The following UNC13C variants were observed in gnomAD, a reference collection of about 807,000 sequenced individuals.
The protein encoded by UNC13C is unc-13 homolog C.
UNC13C carries 174 observed loss-of-function variants against 245.4 expected under a neutral mutation model. That is an observed-to-expected ratio of 0.71 (90% confidence interval 0.63 to 0.80). The LOEUF (loss-of-function observed/expected upper bound fraction) is 0.80. Ranked by LOEUF, UNC13C falls within the 30% of genes least tolerant of loss-of-function variation. The pLI, the probability that UNC13C is intolerant of heterozygous loss-of-function variation, is 0.00. For synonymous variants in UNC13C, 992 were observed against 895.1 expected (o/e 1.11, Z -1.93); for missense variants, 2,829 against 2,602.9 (o/e 1.09, Z -1.89).
intron 8 of UNC13C, among the ~76,000 whole-genome samples, chr15:54,259,215 T>A (rs1162726698): frequency 6.6e-6 from 1 of 152,254 alleles, no homozygotes; most frequent in African/African-American, 2.4e-5. Context: ...TTCAATGGGA[T>A]GCAAACATTC....
intron 2 of UNC13C, chr15:54,048,905 A>G (rs1897155334): frequency 7.7e-6 from 2 of 260,328 alleles, no homozygotes; most frequent in South Asian, 4.8e-5. Flanking sequence ...CATAAACCAT[A>G]TTGGAATAAT....
chr15:53,934,763 T>A, the UNC13C span, among the ~76,000 whole-genome samples: 2 of 152,202 alleles, frequency 1.3e-5, no homozygotes, highest in South Asian at 4.1e-4. Context: ...TGATGAGGGT[T>A]CTGTTCCTTG....
At chr15:53,869,118 A>G in the UNC13C span, among the ~76,000 whole-genome samples, 1 of 152,184 alleles carries the variant, frequency 6.6e-6, no homozygotes, top group Non-Finnish European at 1.5e-5. Context: ...AAAAAGTCAT[A>G]AATACAGAAA....
chr15:54,552,432 AT>A (rs1436169353), intron 28 of UNC13C, among the ~76,000 whole-genome samples: 2 of 3,356 alleles, frequency 6.0e-4, no homozygotes, highest in Non-Finnish European at 8.2e-4. Context: ...ATATAATATA[AT>A]TATATATTAC....
intron 26 of UNC13C, among the ~76,000 whole-genome samples, chr15:54,543,611 A>G (rs959862656): frequency 3.3e-5 from 5 of 152,158 alleles, no homozygotes; most frequent in African/African-American, 4.8e-5. Flanking sequence ...GATAAAGGTG[A>G]TATCACCACT....
intron 4 of UNC13C, among the ~76,000 whole-genome samples, chr15:54,163,046 G>T (rs1323865924): frequency 6.6e-6 from 1 of 152,152 alleles, no homozygotes; most frequent in African/African-American, 2.4e-5. Flanking sequence ...CTGCAAAGAT[G>T]TCCGCATCCT....
chr15:54,367,566 A>G (rs560644618), intron 17 of UNC13C, among the ~76,000 whole-genome samples: 1 of 152,298 alleles, frequency 6.6e-6, no homozygotes, highest in Non-Finnish European at 1.5e-5. Flanking sequence ...ACTTTCCACA[A>G]GGTATCTGCT....
chr15:54,557,649 A>G (rs1389581050), intron 29 of UNC13C, among the ~76,000 whole-genome samples: 1 of 151,940 alleles, frequency 6.6e-6, no homozygotes, highest in Admixed American at 6.6e-5. Flanking sequence ...CCAAAGGAGC[A>G]GACGCTACCC....
chr15:54,106,935 C>A (rs918881842), intron 2 of UNC13C, among the ~76,000 whole-genome samples: 1 of 152,228 alleles, frequency 6.6e-6, no homozygotes, highest in Non-Finnish European at 1.5e-5. Flanking sequence ...CACTCTTGCT[C>A]TTATATGTTC....
At chr15:54,343,689 A>G (rs1291085573) in intron 17 of UNC13C, among the ~76,000 whole-genome samples, 2 of 152,202 alleles carry the variant, frequency 1.3e-5, no homozygotes, top group African/African-American at 4.8e-5. Flanking sequence ...CATTACACCC[A>G]TTAAAGAATG....
intron 30 of UNC13C, among the ~76,000 whole-genome samples, chr15:54,604,492 T>C (rs562092078): frequency 2.4e-4 from 37 of 152,194 alleles, no homozygotes; most frequent in Non-Finnish European, 4.6e-4. Context: ...GTTGCAGTTT[T>C]GGGGGATCAC....
At chr15:53,840,188 C>G in the UNC13C span, among the ~76,000 whole-genome samples, 1 of 152,020 alleles carries the variant, frequency 6.6e-6, no homozygotes, top group African/African-American at 2.4e-5. Context: ...AGAATTGTTT[C>G]CTACAACAAA....
At chr15:53,927,895 G>C in the UNC13C span, among the ~76,000 whole-genome samples, 1 of 152,164 alleles carries the variant, frequency 6.6e-6, no homozygotes, top group Non-Finnish European at 1.5e-5. Context: ...AGAATGAGAA[G>C]AAGCAAAGTA....
chr15:54,424,948 G>A (rs1197344701), intron 19 of UNC13C, among the ~76,000 whole-genome samples: 2 of 151,724 alleles, frequency 1.3e-5, no homozygotes, highest in Non-Finnish European at 2.9e-5. Context: ...ACTTGTCATT[G>A]GAAGGGTTCT....
At chr15:53,883,985 C>G in the UNC13C span, among the ~76,000 whole-genome samples, 1 of 152,202 alleles carries the variant, frequency 6.6e-6, no homozygotes, top group African/African-American at 2.4e-5. Flanking sequence ...CTGTTTTTCT[C>G]TCTACTATTT....
chr15:54,625,848 A>G (rs985475385), intron 32 of UNC13C, among the ~76,000 whole-genome samples: 4 of 152,176 alleles, frequency 2.6e-5, no homozygotes, highest in Admixed American at 2.6e-4. Context: ...TGTTAGATAT[A>G]ACACAGTGAG....
At chr15:54,027,448 A>T (rs1470733425) in intron 2 of UNC13C, among the ~76,000 whole-genome samples, 1 of 152,168 alleles carries the variant, frequency 6.6e-6, no homozygotes, top group Non-Finnish European at 1.5e-5. Flanking sequence ...GGCTCACTGC[A>T]ACCTCCACCC....
intron 17 of UNC13C, among the ~76,000 whole-genome samples, chr15:54,348,780 A>C (rs1040886490): frequency 6.6e-6 from 1 of 152,170 alleles, no homozygotes; most frequent in Admixed American, 6.5e-5. Flanking sequence ...GCAATGAAAG[A>C]AAAGTTAAAA....
intron 19 of UNC13C, among the ~76,000 whole-genome samples, chr15:54,463,270 G>GTGGGGGGGGGTGGGGGGGGGT: frequency 1.5e-5 from 1 of 66,762 alleles, no homozygotes. Context: ...GTGGGCGGGG[G>GTGGGGGGGGGTGGGGGGGGGT]GGGGGGGGGG....
Sources: allele counts gnomAD v4.1 joint callset (sites outside exome capture counted in the v4.1 genomes callset), GRCh38; gene constraint gnomAD v4.1.1; transcripts MANE v1.5; gene names NCBI Gene and HGNC (gene_info 2026-07-23, HGNC 2026-07-21).